The following EIPR1 variants were observed in gnomAD, a reference collection of about 807,000 sequenced individuals.
EIPR1 encodes the protein EARP and GARP complex-interacting protein 1.
A neutral mutation model predicts 48.1 loss-of-function variants in EIPR1; 25 were observed. The observed-to-expected ratio is 0.52, with a 90% confidence interval of 0.38 to 0.73. The LOEUF is 0.73. Among genes scored for constraint, EIPR1 ranks in the 30% least tolerant of loss-of-function variants. The probability of loss-of-function intolerance (pLI) is 0.00; values close to 1 mark genes in which losing one functional copy is unlikely to be tolerated. For synonymous variants in EIPR1, 204 were observed against 201.9 expected (o/e 1.01, Z -0.09); for missense variants, 415 against 506.2 (o/e 0.82, Z 1.73).
chr2:3,221,892 C>G (rs1665906317), intron 4 of EIPR1, among the ~76,000 whole-genome samples: 2 of 152,228 alleles, frequency 1.3e-5, no homozygotes, highest in Non-Finnish European at 2.9e-5. Flanking sequence ...TGGCCACAGA[C>G]AGCTCTGGGA....
chr2:3,235,088 C>A (rs971574216), intron 4 of EIPR1, among the ~76,000 whole-genome samples: 17 of 152,200 alleles, frequency 1.1e-4, no homozygotes, highest in African/African-American at 4.1e-4. Flanking sequence ...AGAACAGTTT[C>A]AGACTAACAT....
chr2:3,264,975 G>A (rs1305019345), intron 3 of EIPR1, among the ~76,000 whole-genome samples: 3 of 144,284 alleles, frequency 2.1e-5, no homozygotes, highest in Admixed American at 7.0e-5. Flanking sequence ...TTGAGCCACC[G>A]CACCTGGCCC....
chr2:3,311,066 C>A (rs972732622), intron 3 of EIPR1, among the ~76,000 whole-genome samples: 1 of 152,160 alleles, frequency 6.6e-6, no homozygotes, highest in Non-Finnish European at 1.5e-5. Context: ...CACTCTCAGA[C>A]GATTACCAGA....
At chr2:3,358,533 C>T (rs1670785567) in intron 1 of EIPR1, among the ~76,000 whole-genome samples, 1 of 152,230 alleles carries the variant, frequency 6.6e-6, no homozygotes, top group South Asian at 2.1e-4. Flanking sequence ...AAGGGTCCCA[C>T]TGTCGGTATT....
At chr2:3,309,781 C>T (rs373935209) in intron 3 of EIPR1, among the ~76,000 whole-genome samples, 36 of 152,276 alleles carry the variant, frequency 2.4e-4, no homozygotes, top group East Asian at 1.5e-3. Context: ...TTGAAGAGAC[C>T]GGTCCACACC....
At position 3,347,109 on chromosome 2, in the gene EIPR1, G is replaced by T. The variant is rs183858908; in HGVS notation, c.126+7441C>A. Among the ~76,000 whole-genome samples the T allele has an allele frequency of 2.6e-5, 4 of 152,172 alleles. No homozygotes were observed. The East Asian group carries it at 7.7e-4, about 29-fold the overall frequency. On this transcript the variant is annotated intron_variant, in intron 2 of 8. Coordinates refer to ENST00000382125, the MANE Select transcript of EIPR1 (RefSeq NM_003310.5). ...GCCTGCTCCCACTTCGCCTTCCACC[G>T]TGACTGGAAGCTTCCTGAGGCCGTC...
At chr2:3,309,889 T>A (rs1669069555) in intron 3 of EIPR1, among the ~76,000 whole-genome samples, 1 of 152,146 alleles carries the variant, frequency 6.6e-6, no homozygotes, top group African/African-American at 2.4e-5. Flanking sequence ...GACGGTGGTG[T>A]GGGTAGGATT....
intron 1 of EIPR1, among the ~76,000 whole-genome samples, chr2:3,375,259 T>C (rs1448343807): frequency 6.8e-6 from 1 of 146,582 alleles, no homozygotes; most frequent in Non-Finnish European, 1.5e-5. Flanking sequence ...AGGGATAGCA[T>C]TAGGAGATAT....
At chr2:3,292,592 C>T (rs1668403508) in intron 3 of EIPR1, among the ~76,000 whole-genome samples, 1 of 152,172 alleles carries the variant, frequency 6.6e-6, no homozygotes, top group African/African-American at 2.4e-5. Context: ...GCCTAAGAGA[C>T]CTCCCCAAGG....
chr2:3,191,655 C>T (rs1664609962), intron 8 of EIPR1, among the ~76,000 whole-genome samples: 1 of 152,230 alleles, frequency 6.6e-6, no homozygotes, highest in South Asian at 2.1e-4. Context: ...TCTGCGGTTG[C>T]AACTGAATTG....
rs1670905693 is a variant in EIPR1, at chr2:3,363,755, C to G, written c.43-9122G>C. 4.1e-5 allele frequency among the ~76,000 whole-genome samples: 6 copies of G among 146,836 alleles called. No individual in the cohort carries two copies. The South Asian group carries it at 1.3e-3, about 31-fold the overall frequency. ...TAAAGATTTGCAAATATCCATCTGT[C>G]AGGCGATTAATAACCACAACAGATA... On this transcript the variant is annotated intron_variant, in intron 1 of 8. Transcript: ENST00000382125.
At chr2:3,267,646 C>T (rs1667531459) in intron 3 of EIPR1, among the ~76,000 whole-genome samples, 1 of 152,256 alleles carries the variant, frequency 6.6e-6, no homozygotes, top group South Asian at 2.1e-4. Flanking sequence ...TGTTGCCTGG[C>T]AAGGCCAGCA....
chr2:3,288,785 C>T (rs1156676460), intron 3 of EIPR1, among the ~76,000 whole-genome samples: 3 of 152,228 alleles, frequency 2.0e-5, no homozygotes, highest in Non-Finnish European at 4.4e-5. Flanking sequence ...AGAGGACAGA[C>T]GCGCAGCACG....
Position 3,269,511 on chromosome 2 carries a change from C to CGCACTCA in EIPR1, c.260-12057_260-12056insTGAGTGC, listed in dbSNP as rs1558263568. ...GCACTCAATCATCGCACTCAATCAT[C>CGCACTCA]ATCACACTCAATCATCGCACTCAGT... On this transcript the variant is annotated intron_variant, in intron 3 of 8. Transcript: ENST00000382125. Among the ~76,000 whole-genome samples the CGCACTCA allele has an allele frequency of 9.6e-4, 139 of 144,248 alleles. 2 individuals are homozygous for CGCACTCA. The highest frequency in any genetic ancestry group is 9.1e-4 in the Non-Finnish European group (60 of 65,948). The allele number at this position is 144,248 out of a possible 152,430, so 94.6% of individuals were successfully genotyped here.
intron 3 of EIPR1, chr2:3,301,371 G>C (rs1332449190): frequency 6.6e-6 from 1 of 152,112 alleles, no homozygotes; most frequent in South Asian, 2.1e-4. Context: ...CCTGCCAGGG[G>C]ACAGCCATCT....
chr2:3,296,599 C>T (rs1300199394), intron 3 of EIPR1, among the ~76,000 whole-genome samples: 7 of 150,528 alleles, frequency 4.7e-5, no homozygotes, highest in Admixed American at 3.3e-4. Flanking sequence ...TCTACACATA[C>T]ACCCTCCATC....
chr2:3,363,677 C>T lies in EIPR1; in HGVS notation c.43-9044G>A, dbSNP rs565555428. Among the ~76,000 whole-genome samples the T allele has an allele frequency of 3.3e-5, 5 of 151,912 alleles. 1 individual carries two copies. The highest frequency in any genetic ancestry group is 9.7e-5 in the African/African-American group (4 of 41,444). ...TCCAGCCTGCTTGACAGAGTGAGAC[C>T]GTGCCTCAAAAACATAAATATATAA... is the stretch of plus-strand genomic sequence containing the variant. On this transcript the variant is annotated intron_variant, in intron 1 of 8. Coordinates refer to ENST00000382125, the MANE Select transcript of EIPR1 (RefSeq NM_003310.5).
chr2:3,214,382 A>G (rs1421091155), intron 4 of EIPR1, 134 bp from the exon 5 acceptor site: 2 of 734,732 alleles, frequency 2.7e-6, no homozygotes, highest in Non-Finnish European at 4.5e-6. Flanking sequence ...TATTTTTTAC[A>G]CTGTCACCCG....
chr2:3,351,431 C>T (rs1212475697), intron 2 of EIPR1, among the ~76,000 whole-genome samples: 4 of 152,222 alleles, frequency 2.6e-5, no homozygotes, highest in East Asian at 3.8e-4. Context: ...AACTATCATG[C>T]TTTCCATGGC....
Sources: allele counts gnomAD v4.1 joint callset (sites outside exome capture counted in the v4.1 genomes callset), GRCh38; gene constraint gnomAD v4.1.1; transcripts MANE v1.5; gene names NCBI Gene and HGNC (gene_info 2026-07-23, HGNC 2026-07-21).